The following NEK11 variants were observed in gnomAD, a reference collection of about 807,000 sequenced individuals.
NEK11 encodes the protein NIMA related kinase 11, also known as serine/threonine-protein kinase Nek11.
Under a neutral mutation model 80.7 loss-of-function variants are expected in NEK11, and 72 were observed. That is an observed-to-expected ratio of 0.89 (90% CI 0.74 to 1.08). NEK11 has a LOEUF of 1.08. Among genes scored for constraint, NEK11 ranks in the 50% least tolerant of loss-of-function variants. The probability of loss-of-function intolerance (pLI) is 0.00; values close to 1 mark genes in which losing one functional copy is unlikely to be tolerated. For synonymous variants in NEK11, 251 were observed against 260.7 expected (o/e 0.96, Z 0.36); for missense variants, 764 against 763.6 (o/e 1.00, Z -0.01).
At position 131,143,342 on chromosome 3, in the gene NEK11, A is replaced by G. The variant is rs1579018639; in HGVS notation, c.648-9046A>G. 3.9e-5 allele frequency among the ~76,000 whole-genome samples: 6 copies of G among 152,002 alleles called. No individual in the cohort carries two copies. The South Asian group carries it at 1.2e-3, about 32-fold the overall frequency. Reference sequence around the variant, plus strand: ...TGTTCTCATGTCCCTTGATCACTCCATTGCTTCCCTCTGCTTCTTCTCACA... The same window carrying G: ...TGTTCTCATGTCCCTTGATCACTCCGTTGCTTCCCTCTGCTTCTTCTCACA... On this transcript the variant is annotated intron_variant, in intron 7 of 17. Coordinates refer to ENST00000383366, the MANE Select transcript of NEK11 (RefSeq NM_024800.5).
intron 3 of NEK11, among the ~76,000 whole-genome samples, chr3:131,077,539 C>T (rs1213924029): frequency 6.6e-6 from 1 of 152,178 alleles, no homozygotes; most frequent in East Asian, 1.9e-4. Context: ...TAAAATTGCT[C>T]ATGCTCTGCT....
At chr3:131,258,630 T>C (rs1303407363) in intron 16 of NEK11, among the ~76,000 whole-genome samples, 2 of 152,220 alleles carry the variant, frequency 1.3e-5, no homozygotes, top group Admixed American at 6.5e-5. Context: ...CTCTTCCTTT[T>C]ACTGGTAGCT....
At chr3:131,293,354 A>G (rs1027566871) in intron 17 of NEK11, among the ~76,000 whole-genome samples, 2 of 152,006 alleles carry the variant, frequency 1.3e-5, no homozygotes, top group Non-Finnish European at 2.9e-5. Context: ...ATCATGTGAT[A>G]TTTTTATTTT....
At chr3:131,031,845 A>G (rs1014832756) in intron 3 of NEK11, among the ~76,000 whole-genome samples, 3 of 152,216 alleles carry the variant, frequency 2.0e-5, no homozygotes, top group Non-Finnish European at 2.9e-5. Context: ...CTAGTCCACA[A>G]TCTCTGGGAA....
At chr3:131,334,696 G>A (rs2097152074) in intron 17 of NEK11, among the ~76,000 whole-genome samples, 1 of 151,732 alleles carries the variant, frequency 6.6e-6, no homozygotes, top group Non-Finnish European at 1.5e-5. Context: ...TTTTTGAAAG[G>A]ATCAACAAAA....
At chr3:131,159,661 A>T (rs2091257600) in intron 10 of NEK11, among the ~76,000 whole-genome samples, 1 of 152,158 alleles carries the variant, frequency 6.6e-6, no homozygotes, top group South Asian at 2.1e-4. Context: ...GTTACCAAGG[A>T]GGCTGCGGCA....
chr3:131,145,094 C>T (rs1173887288), intron 7 of NEK11, among the ~76,000 whole-genome samples: 1 of 152,090 alleles, frequency 6.6e-6, no homozygotes, highest in African/African-American at 2.4e-5. Context: ...ACCTCAAACT[C>T]CTGAGCTCAA....
At chr3:131,057,296 G>A (rs1430174157) in intron 3 of NEK11, among the ~76,000 whole-genome samples, 3 of 151,980 alleles carry the variant, frequency 2.0e-5, no homozygotes, top group Non-Finnish European at 2.9e-5. Flanking sequence ...ATTGTTGGAC[G>A]TTTAGGTTGG....
Position 131,162,487 on chromosome 3 carries a change from A to G in NEK11, c.1042A>G (p.Arg348Gly), listed in dbSNP as rs759813308. Residue 348 changes from arginine to glycine, a missense_variant, in exon 11 of 18, where the codon AGG (arginine) becomes GGG (glycine). Arg to Gly is a moderately radical substitution (Grantham distance 125). Transcript: ENST00000383366. ...KMTPRERMRLRKLQAADEKAR... is the reference protein window; with the variant it reads ...KMTPRERMRLGKLQAADEKAR... ...GACGCCAAGAGAAAGGATGCGGCTG[A>G]GGAAGCTCCAGGCGGCTGATGAGAA... 3 of 1,614,052 alleles carry G rather than the reference A, an allele frequency of 1.9e-6. No homozygotes were observed. The East Asian group carries it at 6.7e-5, about 36-fold the overall frequency.
intron 4 of NEK11, among the ~76,000 whole-genome samples, chr3:131,089,320 G>A (rs2076414265): frequency 1.3e-5 from 2 of 152,192 alleles, no homozygotes; most frequent in South Asian, 4.1e-4. Flanking sequence ...GGAAGATTCT[G>A]ATGTATAAAA....
At chr3:131,264,606 G>T (rs192223994) in intron 16 of NEK11, among the ~76,000 whole-genome samples, 2 of 152,252 alleles carry the variant, frequency 1.3e-5, no homozygotes, top group East Asian at 3.9e-4. Context: ...TGCTGTTTTG[G>T]TTACTGTAGC....
Position 131,070,530 on chromosome 3 carries a change from T to C in NEK11, c.171-9893T>C, listed in dbSNP as rs145902260. 2.4e-4 allele frequency among the ~76,000 whole-genome samples: 36 copies of C among 152,300 alleles called. No homozygotes were observed. The East Asian group carries it at 6.6e-3, about 28-fold the overall frequency. ...GGCAATATTCCTAGCTTCCGTGAGATTTCTGTAACTCTCAAATGATAATGA... is the reference window on the plus strand; with the variant it reads ...GGCAATATTCCTAGCTTCCGTGAGACTTCTGTAACTCTCAAATGATAATGA... On this transcript the variant is annotated intron_variant, in intron 3 of 17. Transcript: ENST00000383366.
intron 14 of NEK11, among the ~76,000 whole-genome samples, chr3:131,195,809 T>TATATATATATATAA (rs1262336398): frequency 1.4e-5 from 2 of 146,404 alleles, no homozygotes; most frequent in African/African-American, 5.0e-5. Context: ...TATATATATA[T>TATATATATATATAA]ATATATATAT....
At chr3:131,266,404 T>C (rs908227864) in intron 16 of NEK11, among the ~76,000 whole-genome samples, 11 of 152,252 alleles carry the variant, frequency 7.2e-5, no homozygotes, top group African/African-American at 2.7e-4. Context: ...TCTGGTACGT[T>C]GTGTCTTTGT....
intron 15 of NEK11, among the ~76,000 whole-genome samples, chr3:131,243,169 A>G (rs2095544171): frequency 6.6e-6 from 1 of 152,132 alleles, no homozygotes; most frequent in Non-Finnish European, 1.5e-5. Flanking sequence ...AAGATCACTC[A>G]TAATTTAATC....
At chr3:131,049,466 T>G (rs1244124661) in intron 3 of NEK11, among the ~76,000 whole-genome samples, 3 of 152,210 alleles carry the variant, frequency 2.0e-5, no homozygotes, top group Non-Finnish European at 2.9e-5. Context: ...CTATACGTCA[T>G]TTATTTTGGG....
chr3:131,170,512 G>A (rs2092616007), intron 13 of NEK11, among the ~76,000 whole-genome samples: 2 of 152,082 alleles, frequency 1.3e-5, no homozygotes, highest in African/African-American at 2.4e-5. Flanking sequence ...TGGTACCTTG[G>A]GCATCCCACT....
intron 3 of NEK11, among the ~76,000 whole-genome samples, chr3:131,066,592 G>A (rs1367977935): frequency 6.6e-6 from 1 of 152,084 alleles, no homozygotes; most frequent in Admixed American, 6.6e-5. Flanking sequence ...CTAGCACTTT[G>A]AGAGGTCAAG....
At chr3:131,300,840 A>C (rs2096653562) in intron 17 of NEK11, among the ~76,000 whole-genome samples, 1 of 152,146 alleles carries the variant, frequency 6.6e-6, no homozygotes, top group Admixed American at 6.6e-5. Flanking sequence ...TCTTTTGCTT[A>C]AGATTGCCTT....
Sources: gnomAD v4.1 joint callset for allele counts (sites outside exome capture counted in the v4.1 genomes callset) on GRCh38, gnomAD v4.1.1 for gene constraint, MANE v1.5 for transcripts, NCBI Gene and HGNC (gene_info 2026-07-23, HGNC 2026-07-21) for gene names.